RAP1GDS1: variants seen among roughly 807,000 people sequenced by gnomAD.
The protein encoded by RAP1GDS1 is Rap1 GTPase-GDP dissociation stimulator 1.
In RAP1GDS1, 35 loss-of-function variants were observed where a neutral mutation model predicts 71.1. That is an observed-to-expected ratio of 0.49 (90% confidence interval 0.38 to 0.65). The LOEUF (loss-of-function observed/expected upper bound fraction) is 0.65. Ranked by LOEUF, RAP1GDS1 falls within the 30% of genes least tolerant of loss-of-function variation. The pLI, the probability that RAP1GDS1 is intolerant of heterozygous loss-of-function variation, is 0.00. For synonymous variants in RAP1GDS1, 229 were observed against 243.1 expected (o/e 0.94, Z 0.54); for missense variants, 663 against 706.1 (o/e 0.94, Z 0.69).
chr4:98,370,665 G>T (rs1740234901), intron 4 of RAP1GDS1, among the ~76,000 whole-genome samples: 2 of 151,800 alleles, frequency 1.3e-5, no homozygotes, highest in African/African-American at 4.8e-5. Context: ...CCACCTCCTG[G>T]GTTCAAGCGA....
chr4:98,306,126 A>G (rs905312017), intron 2 of RAP1GDS1, among the ~76,000 whole-genome samples: 4 of 152,178 alleles, frequency 2.6e-5, no homozygotes, highest in Admixed American at 1.3e-4. Flanking sequence ...GTGGACATAT[A>G]ATTGATTGAA....
chr4:98,267,801 T>C (rs1722907358), intron 1 of RAP1GDS1, among the ~76,000 whole-genome samples: 1 of 152,204 alleles, frequency 6.6e-6, no homozygotes, highest in African/African-American at 2.4e-5. Context: ...AGTGCTGCGA[T>C]GAAGATCCAA....
At chr4:98,329,788 CAAA>C (rs34140500) in intron 2 of RAP1GDS1, among the ~76,000 whole-genome samples, 4 of 43,424 alleles carry the variant, frequency 9.2e-5, no homozygotes, top group African/African-American at 1.5e-4. Flanking sequence ...GACTCCATCT[CAAA>C]AAAAAAAAAA....
At chr4:98,328,738 A>T (rs1578461041) in intron 2 of RAP1GDS1, among the ~76,000 whole-genome samples, 1 of 152,280 alleles carries the variant, frequency 6.6e-6, no homozygotes, top group South Asian at 2.1e-4. Context: ...GCTGGAGTGC[A>T]CTGGTGCGAT....
Position 98,417,497 on chromosome 4 carries a change from TG to T in RAP1GDS1, c.1039+1del. ...TGGCAATTGCAAATTTTGCCAGAAA[TG>T]GTAAGCATATTAGTTCCTCCTTTGT... is the stretch of plus-strand genomic sequence containing the variant. ...ALAIANFARN[D>X]ANCIHMVDNG... On this transcript the variant is annotated frameshift_variant and splice_region_variant, in exon 9 of 15. Transcript: ENST00000408927. LOFTEE classifies it high-confidence loss of function. 1 of 1,613,600 alleles carries T rather than the reference TG, an allele frequency of 6.2e-7. No individual in the cohort carries two copies. The highest frequency in any genetic ancestry group is 8.5e-7 in the Non-Finnish European group (1 of 1,179,710).
At chr4:98,422,704 A>G (rs1010173765) in intron 12 of RAP1GDS1, among the ~76,000 whole-genome samples, 3 of 152,256 alleles carry the variant, frequency 2.0e-5, no homozygotes, top group African/African-American at 7.2e-5. Context: ...AATCTCTTTC[A>G]TATAAATAAT....
intron 4 of RAP1GDS1, among the ~76,000 whole-genome samples, chr4:98,368,653 T>C (rs1443173634): frequency 6.6e-6 from 1 of 152,224 alleles, no homozygotes; most frequent in African/African-American, 2.4e-5. Context: ...TCCTTTAGCC[T>C]TGAACTTTTT....
intron 5 of RAP1GDS1, among the ~76,000 whole-genome samples, chr4:98,380,989 C>A (rs980531184): frequency 6.6e-6 from 1 of 151,474 alleles, no homozygotes; most frequent in African/African-American, 2.4e-5. Flanking sequence ...TGATTGAGTC[C>A]CATAATATTA....
rs765685582 is a variant in RAP1GDS1, at chr4:98,352,602, G to GT, written c.361+2dup. On this transcript the variant is annotated splice_donor_variant, in intron 4 of 14. Transcript: ENST00000408927. LOFTEE classifies it high-confidence loss of function. ...CTAGGAAACATATGTTACGATAGCC[G>GT]TAAGTGTTGACATCTCAATAATACA... 9 of 1,613,218 alleles carry GT rather than the reference G, an allele frequency of 5.6e-6. No individual in the cohort carries two copies. Among genetic ancestry groups the GT allele is most frequent in the South Asian group, 1.1e-5 (1 of 90,846 alleles).
rs1748374944 is a variant in RAP1GDS1, at chr4:98,418,727, A to G, written c.1110A>G (p.Val370=). The G allele has an allele frequency of 1.2e-6, 2 of 1,613,002 alleles. No individual in the cohort carries two copies. Among genetic ancestry groups the G allele is most frequent in the Non-Finnish European group, 1.7e-6 (2 of 1,179,564 alleles). Residue 370 remains valine (V), a synonymous_variant, in exon 10 of 15, where the codon GTA becomes GTG. Transcript: ENST00000408927. ...EKLMDLLDRH[V]EDGNVTVQHA... The stretch of plus-strand genomic sequence containing the variant: ...TTATGGATTTACTGGACAGACATGT[A>G]GAAGATGGAAATGTAACAGTACAGC...
At chr4:98,398,206 G>T (rs970271888) in intron 6 of RAP1GDS1, among the ~76,000 whole-genome samples, 2 of 148,780 alleles carry the variant, frequency 1.3e-5, no homozygotes, top group African/African-American at 5.0e-5. Context: ...AAAAATTGGA[G>T]AAATAGTTGT....
chr4:98,304,047 G>A (rs1426535966), intron 2 of RAP1GDS1, among the ~76,000 whole-genome samples: 1 of 152,096 alleles, frequency 6.6e-6, no homozygotes, highest in Non-Finnish European at 1.5e-5. Flanking sequence ...TCCTTTTTAT[G>A]GCTGCATAGT....
intron 6 of RAP1GDS1, among the ~76,000 whole-genome samples, chr4:98,403,416 A>G (rs1745704513): frequency 1.3e-5 from 2 of 152,182 alleles, no homozygotes. Flanking sequence ...GTGATAATAA[A>G]TGAGCAGTGA....
chr4:98,427,471 G>GA (rs906936183), intron 12 of RAP1GDS1, among the ~76,000 whole-genome samples: 12 of 152,124 alleles, frequency 7.9e-5, no homozygotes, highest in African/African-American at 2.6e-4. Flanking sequence ...AAACCCTAAA[G>GA]ACTCCTCCAA....
chr4:98,340,019 T>A, intron 2 of RAP1GDS1, among the ~76,000 whole-genome samples: 1 of 143,184 alleles, frequency 7.0e-6, no homozygotes, highest in African/African-American at 2.6e-5. Flanking sequence ...TATTAAAAAG[T>A]CAAAAAATAA....
At chr4:98,368,230 C>G (rs1022530758) in intron 4 of RAP1GDS1, among the ~76,000 whole-genome samples, 8 of 152,144 alleles carry the variant, frequency 5.3e-5, no homozygotes, top group Non-Finnish European at 1.0e-4. Flanking sequence ...GTGACTTGCT[C>G]CTCCTTGCCT....
chr4:98,432,709 T>A, intron 12 of RAP1GDS1, among the ~76,000 whole-genome samples: 1 of 152,178 alleles, frequency 6.6e-6, no homozygotes, highest in East Asian at 1.9e-4. Flanking sequence ...ACAATTAATT[T>A]TGAAGCTGAC....
intron 14 of RAP1GDS1, chr4:98,441,529 C>T: frequency 1.0e-6 from 1 of 982,976 alleles, no homozygotes; most frequent in African/African-American, 1.7e-5. Flanking sequence ...TGAGATCATA[C>T]AGTGAGCTGT....
intron 2 of RAP1GDS1, among the ~76,000 whole-genome samples, chr4:98,333,067 T>C (rs1305610609): frequency 6.6e-6 from 1 of 152,124 alleles, no homozygotes; most frequent in Admixed American, 6.5e-5. Context: ...TACAAAATTA[T>C]TCTCTTTTTC....
Sources: gnomAD v4.1 joint callset for allele counts (sites outside exome capture counted in the v4.1 genomes callset) on GRCh38, gnomAD v4.1.1 for gene constraint, MANE v1.5 for transcripts, NCBI Gene and HGNC (gene_info 2026-07-23, HGNC 2026-07-21) for gene names.